The following ATRNL1 variants were observed in gnomAD, a reference collection of about 807,000 sequenced individuals.
ATRNL1 encodes the protein attractin-like protein 1.
Under a neutral mutation model 182.7 loss-of-function variants are expected in ATRNL1, and 95 were observed. The ratio of observed to expected loss-of-function variants is 0.52; its 90% CI spans 0.44 to 0.62. ATRNL1 has a LOEUF of 0.62. ATRNL1 is among the 20% of genes least tolerant of loss of function. The pLI, the probability that ATRNL1 is intolerant of heterozygous loss-of-function variation, is 0.00. For synonymous variants in ATRNL1, 576 were observed against 568.3 expected (o/e 1.01, Z -0.19); for missense variants, 1,471 against 1,679.5 (o/e 0.88, Z 2.17).
chr10:115,143,624 C>T (rs1173781215), intron 5 of ATRNL1, among the ~76,000 whole-genome samples: 1 of 152,154 alleles, frequency 6.6e-6, no homozygotes, highest in Non-Finnish European at 1.5e-5. Context: ...CTGGCCCTCT[C>T]ACTCTGCCAC....
intron 28 of ATRNL1, among the ~76,000 whole-genome samples, chr10:115,871,479 G>A (rs5012865): frequency 0.9 from 120,314 of 133,226 alleles, 54,752 homozygotes; most frequent in East Asian, 1. Context: ...TTGTGTGTGT[G>A]TATATATATA....
chr10:115,756,838 GGGTGCTCCTGTATTC>G (rs1948603206), intron 27 of ATRNL1, among the ~76,000 whole-genome samples: 1 of 152,084 alleles, frequency 6.6e-6, no homozygotes, highest in Non-Finnish European at 1.5e-5. Context: ...TTATGAAACT[GGGTGCTCCTGTATTC>G]GGTGCATATA....
chr10:115,842,410 A>G (rs1555097425), intron 27 of ATRNL1, among the ~76,000 whole-genome samples: 2 of 152,114 alleles, frequency 1.3e-5, no homozygotes, highest in African/African-American at 2.4e-5. Context: ...CCATACTTAG[A>G]CAAACTATTA....
intron 19 of ATRNL1, among the ~76,000 whole-genome samples, chr10:115,355,242 C>A (rs1409275525): frequency 6.6e-6 from 1 of 152,094 alleles, no homozygotes; most frequent in African/African-American, 2.4e-5. Context: ...GGTATTTGTT[C>A]CAGTCTTTCC....
chr10:115,698,992 TA>T (rs1946650473), intron 26 of ATRNL1, among the ~76,000 whole-genome samples: 1 of 152,198 alleles, frequency 6.6e-6, no homozygotes, highest in Admixed American at 6.5e-5. Context: ...ATGATTTTTT[TA>T]ATCTATATTA....
intron 20 of ATRNL1, among the ~76,000 whole-genome samples, chr10:115,423,917 A>G (rs1845760056): frequency 6.6e-6 from 1 of 152,204 alleles, no homozygotes; most frequent in African/African-American, 2.4e-5. Flanking sequence ...CAACAAAAGC[A>G]AAAATAGAGA....
chr10:115,096,775 G>T (rs1230731075), intron 1 of ATRNL1: 24 of 1,255,964 alleles, frequency 1.9e-5, no homozygotes, highest in Non-Finnish European at 2.4e-5. Flanking sequence ...ATTGATTCCA[G>T]TCTTCTGTTT....
At chr10:115,188,112 A>G (rs1848025426) in intron 8 of ATRNL1, among the ~76,000 whole-genome samples, 1 of 151,624 alleles carries the variant, frequency 6.6e-6, no homozygotes, top group Non-Finnish European at 1.5e-5. Context: ...GGAGAGAGAG[A>G]GGGAGAAAGA....
chr10:115,649,610 G>A (rs574705734), intron 26 of ATRNL1, among the ~76,000 whole-genome samples: 3 of 152,222 alleles, frequency 2.0e-5, no homozygotes, highest in African/African-American at 7.2e-5. Flanking sequence ...CTGTCCAGAT[G>A]GAATTCAAAT....
At chr10:115,920,824 A>G (rs1953034006) in intron 28 of ATRNL1, among the ~76,000 whole-genome samples, 1 of 152,246 alleles carries the variant, frequency 6.6e-6, no homozygotes, top group African/African-American at 2.4e-5. Flanking sequence ...AGATATTAAC[A>G]CTAAAATTGC....
chr10:115,590,099 A>C (rs1201792272), intron 26 of ATRNL1, among the ~76,000 whole-genome samples: 1 of 152,230 alleles, frequency 6.6e-6, no homozygotes, highest in Non-Finnish European at 1.5e-5. Flanking sequence ...CTCCAGCCTT[A>C]AGAATAAATC....
chr10:115,408,689 T>A (rs1408421782), intron 20 of ATRNL1, among the ~76,000 whole-genome samples: 1 of 152,152 alleles, frequency 6.6e-6, no homozygotes, highest in Non-Finnish European at 1.5e-5. Context: ...TTCTAGTAGT[T>A]TTATTGTTTC....
chr10:115,127,809 T>C, intron 4 of ATRNL1, 88 bp downstream of exon 4: 1 of 912,632 alleles, frequency 1.1e-6, no homozygotes, highest in Non-Finnish European at 1.5e-6. Context: ...ATTAATGTCT[T>C]GTATACCAGA....
intron 27 of ATRNL1, among the ~76,000 whole-genome samples, chr10:115,813,295 T>C (rs1950089694): frequency 6.6e-6 from 1 of 152,154 alleles, no homozygotes; most frequent in Non-Finnish European, 1.5e-5. Flanking sequence ...CCTGCAGGGA[T>C]ATGGGTTATT....
At chr10:115,781,672 G>T (rs887977297) in intron 27 of ATRNL1, among the ~76,000 whole-genome samples, 9 of 152,184 alleles carry the variant, frequency 5.9e-5, no homozygotes. Context: ...GGAAGTGCCT[G>T]GAAGAGGGAA....
chr10:115,849,796 TA>T (rs1374720852), intron 28 of ATRNL1, among the ~76,000 whole-genome samples: 1 of 152,058 alleles, frequency 6.6e-6, no homozygotes, highest in Non-Finnish European at 1.5e-5. Flanking sequence ...AGCAAAAGAA[TA>T]AAAAATACTT....
At chr10:115,221,679 C>G (rs539339209) in intron 9 of ATRNL1, among the ~76,000 whole-genome samples, 1 of 152,186 alleles carries the variant, frequency 6.6e-6, no homozygotes, top group African/African-American at 2.4e-5. Context: ...TTTTGTCAGC[C>G]ATTACAGAGG....
intron 28 of ATRNL1, among the ~76,000 whole-genome samples, chr10:115,856,931 C>T (rs764712979): frequency 1.3e-5 from 2 of 152,078 alleles, no homozygotes; most frequent in Non-Finnish European, 1.5e-5. Context: ...TGGGTTTGAA[C>T]TGTGTGGGCT....
intron 27 of ATRNL1, among the ~76,000 whole-genome samples, chr10:115,759,617 G>A (rs1948681782): frequency 6.6e-6 from 1 of 151,530 alleles, no homozygotes; most frequent in South Asian, 2.1e-4. Flanking sequence ...GTATTAAAAA[G>A]TAAAGATGAT....
Sources: gnomAD v4.1 joint callset for allele counts (sites outside exome capture counted in the v4.1 genomes callset) on GRCh38, gnomAD v4.1.1 for gene constraint, MANE v1.5 for transcripts, NCBI Gene and HGNC (gene_info 2026-07-23, HGNC 2026-07-21) for gene names.